The following PAK1 variants were observed in gnomAD, a reference collection of about 807,000 sequenced individuals.
PAK1 encodes the protein p21 (RAC1) activated kinase 1.
A neutral mutation model predicts 67.4 loss-of-function variants in PAK1; 29 were observed. The ratio of observed to expected loss-of-function variants is 0.43; its 90% confidence interval spans 0.32 to 0.59. The LOEUF (loss-of-function observed/expected upper bound fraction) is 0.59. Among genes scored for constraint, PAK1 ranks in the 20% least tolerant of loss-of-function variants. The pLI is 0.07. For missense variants in PAK1, 337 were observed against 670.7 expected, an observed-to-expected ratio of 0.50 and a Z score of 5.50; for synonymous variants, 223 against 237.4, an observed-to-expected ratio of 0.94 and a Z score of 0.56.
chr11:77,414,360 C>T (rs1954833943), intron 1 of PAK1, among the ~76,000 whole-genome samples: 1 of 152,178 alleles, frequency 6.6e-6, no homozygotes, highest in Non-Finnish European at 1.5e-5. Context: ...TCTCCCTGTC[C>T]ACCAGAATAA....
chr11:77,362,658 GT>G (rs1302092424), intron 5 of PAK1, among the ~76,000 whole-genome samples: 27 of 152,254 alleles, frequency 1.8e-4, no homozygotes, highest in African/African-American at 6.5e-4. Context: ...TTAGTGTGAG[GT>G]TAAATGAGAT....
chr11:77,353,914 T>G (rs1486229277), intron 7 of PAK1, among the ~76,000 whole-genome samples: 2 of 152,304 alleles, frequency 1.3e-5, no homozygotes, highest in South Asian at 4.1e-4. Context: ...AATGAAGAGA[T>G]ATGACACAGT....
At chr11:77,500,079 C>T in the PAK1 span, among the ~76,000 whole-genome samples, 1 of 152,138 alleles carries the variant, frequency 6.6e-6, no homozygotes, top group South Asian at 2.1e-4. Context: ...TTGTTATAAT[C>T]AGTTCATAAA....
At chr11:77,480,521 G>GTTTT in the PAK1 span, among the ~76,000 whole-genome samples, 22 of 121,308 alleles carry the variant, frequency 1.8e-4, no homozygotes, top group African/African-American at 5.6e-4. Context: ...AACCACCATG[G>GTTTT]TTTTTTTTTT....
intron 5 of PAK1, among the ~76,000 whole-genome samples, chr11:77,364,651 T>C (rs1390853263): frequency 1.3e-5 from 2 of 152,000 alleles, no homozygotes; most frequent in Non-Finnish European, 2.9e-5. Flanking sequence ...CAAGAAATTA[T>C]AAGACATGGA....
intron 1 of PAK1, among the ~76,000 whole-genome samples, chr11:77,454,292 G>T (rs1379249809): frequency 1.3e-5 from 2 of 150,364 alleles, no homozygotes; most frequent in Middle Eastern, 3.2e-3. Flanking sequence ...CCAAACTCTG[G>T]CTCCAAGTTC....
rs182291612 is a variant in PAK1, at chr11:77,351,008, C to T, written c.837-1721G>A. 3.3e-5 allele frequency among the ~76,000 whole-genome samples: 5 copies of T among 152,206 alleles called. No homozygotes were observed. The East Asian group carries it at 7.7e-4, about 23-fold the overall frequency. On this transcript the variant is annotated intron_variant, in intron 8 of 14. Coordinates refer to ENST00000356341, the MANE Select transcript of PAK1 (RefSeq NM_002576.5). Reference sequence around the variant, plus strand: ...AGTTGTAGAAAGCTACTTAGGCCCACTGCTTAATACCTATTTCTAACTTGA... The same window carrying T: ...AGTTGTAGAAAGCTACTTAGGCCCATTGCTTAATACCTATTTCTAACTTGA...
At chr11:77,506,511 GA>G in the PAK1 span, among the ~76,000 whole-genome samples, 334 of 152,268 alleles carry the variant, frequency 2.2e-3, 2 homozygotes, top group African/African-American at 7.4e-3. Flanking sequence ...GGTTTAGGCA[GA>G]AAGCAGCCAG....
At chr11:77,469,993 C>CT (rs1383662467) in intron 1 of PAK1, among the ~76,000 whole-genome samples, 1 of 152,078 alleles carries the variant, frequency 6.6e-6, no homozygotes, top group Non-Finnish European at 1.5e-5. Context: ...TTGTTTATCG[C>CT]TTTTCAAAAA....
intron 11 of PAK1, among the ~76,000 whole-genome samples, chr11:77,337,934 G>A (rs200478580): frequency 2.0e-5 from 3 of 152,256 alleles, no homozygotes; most frequent in East Asian, 3.9e-4. Context: ...TGTCTGGTAG[G>A]CAACTTAATT....
At chr11:77,489,141 C>A in the PAK1 span, among the ~76,000 whole-genome samples, 7 of 152,092 alleles carry the variant, frequency 4.6e-5, no homozygotes, top group East Asian at 9.6e-4. Context: ...GAGAGAGTGG[C>A]ATGACAAATT....
At chr11:77,486,307 C>G in the PAK1 span, among the ~76,000 whole-genome samples, 1 of 151,940 alleles carries the variant, frequency 6.6e-6, no homozygotes, top group Non-Finnish European at 1.5e-5. Flanking sequence ...AGTTCAAGAC[C>G]AGCCTGGGCA....
chr11:77,483,786 C>G, the PAK1 span, among the ~76,000 whole-genome samples: 3 of 152,118 alleles, frequency 2.0e-5, no homozygotes, highest in Non-Finnish European at 2.9e-5. Context: ...CTATAACATC[C>G]TAAGAATGGA....
intron 1 of PAK1, among the ~76,000 whole-genome samples, chr11:77,406,039 C>T (rs933334565): frequency 6.6e-6 from 1 of 152,196 alleles, no homozygotes; most frequent in African/African-American, 2.4e-5. Flanking sequence ...TTCCATCTTT[C>T]TGTCTACTCC....
intron 1 of PAK1, chr11:77,408,151 T>TA (rs1953910017): frequency 6.6e-6 from 1 of 152,208 alleles, no homozygotes; most frequent in Non-Finnish European, 1.5e-5. Flanking sequence ...CTACAATACT[T>TA]ACCACATGAG....
chr11:77,382,608 T>G (rs1949976775), intron 2 of PAK1, among the ~76,000 whole-genome samples: 1 of 152,156 alleles, frequency 6.6e-6, no homozygotes, highest in Admixed American at 6.6e-5. Context: ...AATGTAAGCT[T>G]CTTGAGGACC....
At position 77,355,652 on chromosome 11, in the gene PAK1, G is replaced by A; in HGVS notation, c.772+16C>T. The A allele has an allele frequency of 1.2e-6, 2 of 1,604,352 alleles. No homozygotes were observed. The highest frequency in any genetic ancestry group is 2.2e-5 in the South Asian group (2 of 90,714). On this transcript the variant is annotated intron_variant, in intron 7 of 14. Transcript: ENST00000356341. ...CATAAAACGAAGAAAGGTTCAGAAAGCTACAAATTCCTTACGTAATTTCTC... is the reference window on the plus strand; with the variant it reads ...CATAAAACGAAGAAAGGTTCAGAAAACTACAAATTCCTTACGTAATTTCTC...
chr11:77,399,661 C>A (rs1952351195), intron 1 of PAK1, among the ~76,000 whole-genome samples: 1 of 151,378 alleles, frequency 6.6e-6, no homozygotes, highest in Admixed American at 6.6e-5. Context: ...AGATCGAGAC[C>A]ATCCCGGCTA....
At chr11:77,395,400 T>A (rs571498710) in intron 1 of PAK1, among the ~76,000 whole-genome samples, 1 of 152,206 alleles carries the variant, frequency 6.6e-6, no homozygotes, top group African/African-American at 2.4e-5. Context: ...AATATTTTAA[T>A]TAATCAAACT....
Sources: allele counts gnomAD v4.1 joint callset (sites outside exome capture counted in the v4.1 genomes callset), GRCh38; gene constraint gnomAD v4.1.1; transcripts MANE v1.5; gene names NCBI Gene and HGNC (gene_info 2026-07-23, HGNC 2026-07-21).